The following USP7 variants were observed in gnomAD, a reference collection of about 807,000 sequenced individuals.
USP7 encodes the protein ubiquitin specific peptidase 7.
In USP7, 9 loss-of-function variants were observed where a neutral mutation model predicts 162.9. The observed-to-expected ratio is 0.06, with a 90% confidence interval of 0.03 to 0.10. The LOEUF (loss-of-function observed/expected upper bound fraction) is 0.10. Among genes scored for constraint, USP7 ranks in the 10% least tolerant of loss-of-function variants. The probability of loss-of-function intolerance (pLI) is 1.00; values close to 1 mark genes in which losing one functional copy is unlikely to be tolerated. For synonymous variants in USP7, 562 were observed against 475.9 expected (o/e 1.18, Z -2.35); for missense variants, 715 against 1,373.7 (o/e 0.52, Z 7.58).
intron 12 of USP7, among the ~76,000 whole-genome samples, chr16:8,907,497 T>C (rs1699352762): frequency 6.6e-6 from 1 of 152,232 alleles, no homozygotes; most frequent in South Asian, 2.1e-4. Flanking sequence ...ATAAAAATAC[T>C]GTATTCTAAA....
chr16:8,940,119 A>C (rs1259124123), intron 1 of USP7, among the ~76,000 whole-genome samples: 1 of 151,936 alleles, frequency 6.6e-6, no homozygotes, highest in African/African-American at 2.4e-5. Context: ...GGCTGTTTCC[A>C]TCCAGGTTTT....
At chr16:8,898,687 A>C (rs774699869) in intron 23 of USP7, 48 bp from the exon 24 acceptor site, 123 of 1,444,300 alleles carry the variant, frequency 8.5e-5, no homozygotes, top group Non-Finnish European at 1.1e-4. Context: ...TATTTGCCTA[A>C]AAACAAATAT....
At chr16:8,925,487 A>G (rs1897937962) in intron 2 of USP7, among the ~76,000 whole-genome samples, 1 of 152,224 alleles carries the variant, frequency 6.6e-6, no homozygotes, top group Non-Finnish European at 1.5e-5. Flanking sequence ...TATGTATACA[A>G]AATCAATACA....
At chr16:8,940,522 C>T (rs1384016859) in intron 1 of USP7, among the ~76,000 whole-genome samples, 3 of 152,240 alleles carry the variant, frequency 2.0e-5, no homozygotes, top group Middle Eastern at 3.4e-3. Context: ...CCAGGCAACC[C>T]AGGGCGGGAG....
intron 16 of USP7, 134 bp downstream of exon 16, chr16:8,903,134 G>T: frequency 8.2e-7 from 1 of 1,217,878 alleles, no homozygotes. Context: ...ATGTTCCTGG[G>T]TCACACTCCT....
rs1230301328 is a variant in USP7 at position 8,895,126 on chromosome 16, T to C, written c.2944A>G (p.Ile982Val). 4 of 1,614,146 alleles carry C rather than the reference T, an allele frequency of 2.5e-6. No individual in the cohort carries two copies. Among genetic ancestry groups the C allele is most frequent in the Non-Finnish European group, 3.4e-6 (4 of 1,180,052 alleles). The change falls in exon 28 of 31, where the codon ATA becomes GTA. Residue 982 changes from isoleucine to valine, a missense_variant. Transcript: ENST00000344836. The stretch of plus-strand genomic sequence containing the variant: ...ACAAGCATCTCATTCTCTTTGTCTA[T>C]GTCCACCTGGTCCAAAGGGATTTCC... ...IEEIPLDQVD[I>V]DKENEMLVTV...
rs779846395 is a variant in USP7, at chr16:8,900,580, A to C, written c.2259T>G (p.Leu753=). ...CCATTAGTTCATCAAGGGCTTTATCAAGAGACACGTCATAGTCCTGAATTC... is the reference window on the plus strand; with the variant it reads ...CCATTAGTTCATCAAGGGCTTTATCCAGAGACACGTCATAGTCCTGAATTC... ...TERIQDYDVS[L]DKALDELMDG... Residue 753 remains leucine, a synonymous_variant, in exon 21 of 31, where the codon CTT becomes CTG. Coordinates refer to ENST00000344836, the MANE Select transcript of USP7 (RefSeq NM_003470.3). 1.2e-6 allele frequency: 2 copies of C among 1,612,606 alleles called. No homozygotes were observed. Among genetic ancestry groups the C allele is most frequent in the South Asian group, 1.1e-5 (1 of 90,678 alleles).
Position 8,930,505 on chromosome 16 carries a change from A to C in USP7, c.80-108T>G, listed in dbSNP as rs1268618523. On this transcript the variant is annotated intron_variant, in intron 1 of 30. Coordinates refer to ENST00000344836, the MANE Select transcript of USP7 (RefSeq NM_003470.3). Reference sequence around the variant, plus strand: ...TGTTGCCTAATCATTAATAAATTCCAATTGTACCACAATAAAGATTCATTC... The same window carrying C: ...TGTTGCCTAATCATTAATAAATTCCCATTGTACCACAATAAAGATTCATTC... 5.7e-6 allele frequency: 4 copies of C among 700,390 alleles called. No individual in the cohort carries two copies. In the East Asian group the frequency reaches 8.8e-5, roughly 15 times the overall value. 43.4% of individuals were successfully genotyped at this position (700,390 alleles called of 1,614,324 possible).
intron 1 of USP7, among the ~76,000 whole-genome samples, chr16:8,931,970 TGTG>T (rs1355222758): frequency 1.3e-5 from 2 of 152,174 alleles, no homozygotes; most frequent in Admixed American, 6.6e-5. Flanking sequence ...GCCAGGTAGT[TGTG>T]TGTGTGGCCT....
chr16:8,902,315 A>G, intron 17 of USP7, 66 bp downstream of exon 17: 1 of 1,584,468 alleles, frequency 6.3e-7, no homozygotes, highest in Non-Finnish European at 8.6e-7. Context: ...AACAAGCTGC[A>G]CTAAGTGCAG....
chr16:8,931,506 G>T (rs1225669427), intron 1 of USP7, among the ~76,000 whole-genome samples: 2 of 152,142 alleles, frequency 1.3e-5, no homozygotes, highest in Admixed American at 1.3e-4. Context: ...TCACCCTCAA[G>T]GTGTCAGTGG....
At chr16:8,912,839 C>CTTTT (rs1318037761) in intron 10 of USP7, among the ~76,000 whole-genome samples, 1 of 151,428 alleles carries the variant, frequency 6.6e-6, no homozygotes, top group African/African-American at 2.4e-5. Context: ...CCAAGTCAAA[C>CTTTT]TTCTAAAAAT....
intron 6 of USP7, 98 bp downstream of exon 6, chr16:8,918,933 G>A: frequency 5.9e-6 from 7 of 1,196,366 alleles, no homozygotes; most frequent in Admixed American, 5.1e-5. Flanking sequence ...CAGGGCCAGG[G>A]GAGGGAGACG....
chr16:8,895,595 G>T, intron 27 of USP7, 47 bp downstream of exon 27: 1 of 1,441,752 alleles, frequency 6.9e-7, no homozygotes, highest in Admixed American at 1.8e-5. Context: ...TGCAGCAGAT[G>T]GGGCTCATGA....
intron 1 of USP7, among the ~76,000 whole-genome samples, chr16:8,953,229 T>C (rs983075429): frequency 2.0e-5 from 3 of 152,220 alleles, no homozygotes; most frequent in Middle Eastern, 3.4e-3. Context: ...GTCTCTCCTA[T>C]GCCACAGCTG....
intron 1 of USP7, among the ~76,000 whole-genome samples, chr16:8,938,021 C>T (rs1013136950): frequency 2.0e-5 from 3 of 152,080 alleles, no homozygotes; most frequent in South Asian, 2.1e-4. Flanking sequence ...CTCAGGTAAT[C>T]GTCACTGGCC....
chr16:8,962,701 C>A, intron 1 of USP7: 1 of 200,074 alleles, frequency 5.0e-6, no homozygotes, highest in South Asian at 6.4e-5. Context: ...GAACGTAAGC[C>A]CGACGCTAGG....
Position 8,894,652 on chromosome 16 carries a change from A to C in USP7, c.3112-12T>G, listed in dbSNP as rs550591106. 67 of 1,612,860 alleles carry C rather than the reference A, an allele frequency of 4.2e-5. 1 individual carries two copies. The South Asian group carries it at 6.4e-4, about 15-fold the overall frequency. The stretch of plus-strand genomic sequence containing the variant: ...ATTGCAAATTTAAACTAAAAGAAAA[A>C]AAATTAAAACTCCTCCGTTATTTCT... On this transcript the variant is annotated splice_polypyrimidine_tract_variant and intron_variant, in intron 29 of 30. Coordinates refer to ENST00000344836, the MANE Select transcript of USP7 (RefSeq NM_003470.3).
chr16:8,925,043 G>A (rs1257085355), intron 2 of USP7, among the ~76,000 whole-genome samples: 1 of 152,150 alleles, frequency 6.6e-6, no homozygotes, highest in Non-Finnish European at 1.5e-5. Context: ...ATGGCGTGGT[G>A]GAATAAGTTT....
Sources: gnomAD v4.1 joint callset for allele counts (sites outside exome capture counted in the v4.1 genomes callset) on GRCh38, gnomAD v4.1.1 for gene constraint, MANE v1.5 for transcripts, NCBI Gene and HGNC (gene_info 2026-07-23, HGNC 2026-07-21) for gene names.